The following DLG2 variants were observed in gnomAD, a reference collection of about 807,000 sequenced individuals.
DLG2 encodes discs large MAGUK scaffold protein 2.
A neutral mutation model predicts 132.5 loss-of-function variants in DLG2; 45 were observed. That is an observed-to-expected ratio of 0.34 (90% CI 0.27 to 0.44). The LOEUF (loss-of-function observed/expected upper bound fraction) is 0.44, where lower values mean the gene tolerates loss of function less well. Ranked by LOEUF, DLG2 falls within the 20% of genes least tolerant of loss-of-function variation. The pLI is 1.00. For missense variants in DLG2, 1,045 were observed against 1,196.9 expected, an observed-to-expected ratio of 0.87 and a Z score of 1.87; for synonymous variants, 424 against 419.6, an observed-to-expected ratio of 1.01 and a Z score of -0.13.
chr11:84,140,461 T>C (rs1158065314), intron 9 of DLG2, among the ~76,000 whole-genome samples: 1 of 152,178 alleles, frequency 6.6e-6, no homozygotes, highest in Non-Finnish European at 1.5e-5. Context: ...TCAGAAAATA[T>C]AGATACGTTT....
intron 10 of DLG2, among the ~76,000 whole-genome samples, chr11:84,071,134 C>A (rs899271915): frequency 3.3e-5 from 5 of 151,818 alleles, no homozygotes; most frequent in African/African-American, 1.2e-4. Flanking sequence ...ATTCTGTTGC[C>A]CCAGCTGTAG....
intron 7 of DLG2, among the ~76,000 whole-genome samples, chr11:84,523,394 T>G (rs942997238): frequency 6.6e-6 from 1 of 152,234 alleles, no homozygotes; most frequent in Non-Finnish European, 1.5e-5. Flanking sequence ...GTAAGTCTGA[T>G]TCTAAAGCCC....
chr11:83,798,597 A>G (rs924841241), intron 17 of DLG2, among the ~76,000 whole-genome samples: 2 of 152,220 alleles, frequency 1.3e-5, no homozygotes, highest in Admixed American at 6.5e-5. Context: ...GATAATTGGC[A>G]CCACATTTCA....
chr11:85,499,079 G>A (rs2093734096), intron 3 of DLG2, among the ~76,000 whole-genome samples: 2 of 151,924 alleles, frequency 1.3e-5, no homozygotes, highest in Admixed American at 6.6e-5. Context: ...GCTAGCAGAA[G>A]GCAAGAAACA....
chr11:85,126,204 T>A (rs2075091360), intron 5 of DLG2, among the ~76,000 whole-genome samples: 1 of 152,150 alleles, frequency 6.6e-6, no homozygotes, highest in Non-Finnish European at 1.5e-5. Context: ...TAAAAGATGG[T>A]CTCGTCCATG....
At position 85,396,019 on chromosome 11, in the gene DLG2, G is replaced by A. The variant is rs539974396; in HGVS notation, c.41-110654C>T. ...TGGGAAACACCTCCCAGTAGGGGCC[G>A]ACAGACACCTCAAACAGGTGGGTGT... On this transcript the variant is annotated intron_variant, in intron 3 of 27. Coordinates refer to ENST00000376104, the MANE Select transcript of DLG2 (RefSeq NM_001142699.3). Among the ~76,000 whole-genome samples, 5 of 152,236 alleles carry A rather than the reference G, an allele frequency of 3.3e-5. No homozygotes were observed. In the South Asian group the frequency reaches 6.2e-4, roughly 19 times the overall value.
chr11:85,425,756 G>A lies in DLG2; in HGVS notation c.41-140391C>T, dbSNP rs1367769968. On this transcript the variant is annotated intron_variant, in intron 3 of 27. Transcript: ENST00000376104. ...TTCTGCATCTCCAACTGAGGTACCA[G>A]GTTCATCTCACTGGGGAGTGTCAGA... 1.3e-5 allele frequency among the ~76,000 whole-genome samples: 2 copies of A among 152,288 alleles called. 1 individual carries two copies. The highest frequency in any genetic ancestry group is 6.8e-3 in the Middle Eastern group (2 of 294).
At chr11:84,131,762 G>GT (rs1159504087) in intron 9 of DLG2, among the ~76,000 whole-genome samples, 30 of 151,952 alleles carry the variant, frequency 2.0e-4, no homozygotes, top group Admixed American at 1.8e-3. Context: ...AAACAGTGAT[G>GT]TTTTTTCTAA....
At position 85,412,752 on chromosome 11, in the gene DLG2, CACACACACATATATATAT is replaced by C. The variant is rs771519642; in HGVS notation, c.41-127405_41-127388del. ...ACACACACACACACACACACACACA[CACACACACATATATATAT>C]ATATATATATATATATCACAGTTTC... On this transcript the variant is annotated intron_variant, in intron 3 of 27. Coordinates refer to ENST00000376104, the MANE Select transcript of DLG2 (RefSeq NM_001142699.3). Among the ~76,000 whole-genome samples the C allele has an allele frequency of 6.6e-3, 830 of 125,470 alleles. 11 individuals are homozygous for C. The highest frequency in any genetic ancestry group is 0.026 in the African/African-American group (801 of 31,056). The allele number at this position is 125,470 out of a possible 152,430, so 82.3% of individuals were successfully genotyped here. A position where few individuals can be genotyped will look rare whatever the true frequency, so the allele number is the denominator to read the frequency against.
intron 6 of DLG2, among the ~76,000 whole-genome samples, chr11:84,875,781 G>C (rs2086252254): frequency 6.6e-6 from 1 of 152,032 alleles, no homozygotes; most frequent in African/African-American, 2.4e-5. Context: ...TTGTCGCCCA[G>C]GCTGGAGTAC....
chr11:85,456,394 T>C (rs1238188282), intron 3 of DLG2, among the ~76,000 whole-genome samples: 2 of 152,150 alleles, frequency 1.3e-5, no homozygotes, highest in Non-Finnish European at 2.9e-5. Flanking sequence ...CTATCTATCT[T>C]ACTTATTCTT....
intron 18 of DLG2, among the ~76,000 whole-genome samples, chr11:83,737,506 A>G (rs1172148035): frequency 1.3e-5 from 2 of 152,228 alleles, no homozygotes; most frequent in Non-Finnish European, 2.9e-5. Context: ...AATCTGAAAG[A>G]TATGTTTCTA....
intron 7 of DLG2, among the ~76,000 whole-genome samples, chr11:84,437,179 C>T (rs2099003317): frequency 6.6e-6 from 1 of 152,126 alleles, no homozygotes; most frequent in African/African-American, 2.4e-5. Context: ...TTTGAATAGC[C>T]AATGATCTTG....
chr11:84,284,888 C>A (rs894093278), intron 7 of DLG2, among the ~76,000 whole-genome samples: 2 of 152,072 alleles, frequency 1.3e-5, no homozygotes, highest in Non-Finnish European at 2.9e-5. Context: ...CATTGCCTGG[C>A]ATATAACAAA....
chr11:83,510,781 A>G (rs998860906), intron 21 of DLG2, among the ~76,000 whole-genome samples: 2 of 145,160 alleles, frequency 1.4e-5, no homozygotes, highest in South Asian at 4.4e-4. Context: ...AGTGAATCAC[A>G]TTTACAATGT....
chr11:84,999,771 A>T (rs926217477), intron 6 of DLG2, among the ~76,000 whole-genome samples: 2 of 152,110 alleles, frequency 1.3e-5, no homozygotes, highest in African/African-American at 4.8e-5. Flanking sequence ...TCCAGGGTTC[A>T]CACAATTGGA....
intron 4 of DLG2, among the ~76,000 whole-genome samples, chr11:85,187,089 T>C (rs2080164536): frequency 6.6e-6 from 1 of 152,134 alleles, no homozygotes; most frequent in Non-Finnish European, 1.5e-5. Context: ...ATACTGAACA[T>C]TGTAATATCT....
intron 11 of DLG2, among the ~76,000 whole-genome samples, chr11:84,014,812 C>A (rs892790896): frequency 2.0e-5 from 3 of 151,666 alleles, no homozygotes; most frequent in Non-Finnish European, 2.9e-5. Context: ...GGTGCACCTG[C>A]CTACATCCTA....
chr11:84,223,434 C>T (rs989123024), intron 8 of DLG2, among the ~76,000 whole-genome samples: 3 of 152,254 alleles, frequency 2.0e-5, no homozygotes, highest in South Asian at 2.1e-4. Flanking sequence ...CGTACAATGA[C>T]CAGAGTGTCA....
Sources: allele counts gnomAD v4.1 joint callset (sites outside exome capture counted in the v4.1 genomes callset), GRCh38; gene constraint gnomAD v4.1.1; transcripts MANE v1.5; gene names NCBI Gene and HGNC (gene_info 2026-07-23, HGNC 2026-07-21).